The following RNMT variants were observed in gnomAD, a reference collection of about 807,000 sequenced individuals.
RNMT encodes the protein mRNA cap guanine-N(7) methyltransferase.
Under a neutral mutation model 56.0 loss-of-function variants are expected in RNMT, and 27 were observed. That is an observed-to-expected ratio of 0.48 (90% CI 0.36 to 0.67). The LOEUF (loss-of-function observed/expected upper bound fraction) is 0.67, where lower values mean the gene tolerates loss of function less well. RNMT is among the 30% of genes least tolerant of loss of function. RNMT has a pLI of 0.00. For missense variants in RNMT, 519 were observed against 552.1 expected, an observed-to-expected ratio of 0.94 and a Z score of 0.60; for synonymous variants, 184 against 176.2, an observed-to-expected ratio of 1.04 and a Z score of -0.35.
chr18:13,750,021 A>T (rs1417216995), intron 9 of RNMT, among the ~76,000 whole-genome samples: 1 of 152,064 alleles, frequency 6.6e-6, no homozygotes, highest in African/African-American at 2.4e-5. Flanking sequence ...CGGTCTCCCA[A>T]AGTGCTGGGG....
At chr18:13,734,433 T>A in intron 3 of RNMT, 31 bp from the exon 4 acceptor site, 1 of 1,581,920 alleles carries the variant, frequency 6.3e-7, no homozygotes. Flanking sequence ...GTTCTGATCC[T>A]TGATTTTTTT....
chr18:13,740,215 T>C lies in RNMT; in HGVS notation c.728T>C (p.Met243Thr). 6.2e-7 allele frequency: 1 copy of C among 1,613,312 alleles called. No individual in the cohort carries two copies. The highest frequency in any genetic ancestry group is 8.5e-7 in the Non-Finnish European group (1 of 1,179,318). ...CAGTGTCAGCAGCGGTATGAGGACA[T>C]GAAAAATCGTCGTGATAGTGAATAT... ...VKQCQQRYED[M>T]KNRRDSEYIF... is the part of the protein sequence containing the mutation. The change falls in exon 6 of 12, where the codon ATG (methionine) becomes ACG (threonine). Residue 243 changes from methionine to threonine, a missense_variant. Coordinates refer to ENST00000383314, the MANE Select transcript of RNMT (RefSeq NM_003799.3).
At chr18:13,742,056 C>G (rs2149092701) in intron 7 of RNMT, among the ~76,000 whole-genome samples, 1 of 152,290 alleles carries the variant, frequency 6.6e-6, no homozygotes, top group East Asian at 1.9e-4. Flanking sequence ...TAGCTCAAAT[C>G]AGGAGAGTGC....
chr18:13,738,193 C>T (rs1050254422), intron 5 of RNMT, among the ~76,000 whole-genome samples: 3 of 152,016 alleles, frequency 2.0e-5, no homozygotes, highest in African/African-American at 7.2e-5. Flanking sequence ...TTATTGAGGA[C>T]CCCAGAAAGC....
intron 7 of RNMT, 91 bp downstream of exon 7, chr18:13,741,782 T>C (rs529996351): frequency 1.3e-6 from 1 of 796,038 alleles, no homozygotes; most frequent in Non-Finnish European, 1.9e-6. Flanking sequence ...AAATACGCTA[T>C]TTTAATCTTA....
At position 13,731,577 on chromosome 18, in the gene RNMT, G is replaced by T. The variant is rs773756587; in HGVS notation, c.60G>T (p.Ala20=). The change falls in exon 3 of 12, where the codon GCG becomes GCT. Residue 20 remains alanine, a synonymous_variant. Transcript: ENST00000383314. ...YEKMSLEQAK[A]SVNSETESSF... ...AGATGTCTCTTGAACAGGCAAAAGC[G>T]TCAGTGAATTCTGAAACAGAGTCTT... 6.2e-7 allele frequency: 1 copy of T among 1,612,872 alleles called. No individual in the cohort carries two copies.
intron 11 of RNMT, among the ~76,000 whole-genome samples, chr18:13,757,316 A>G (rs896530296): frequency 1.3e-5 from 2 of 152,030 alleles, no homozygotes; most frequent in South Asian, 2.1e-4. Flanking sequence ...TTGATTGACC[A>G]TTCTTTCACA....
At chr18:13,744,153 G>C (rs1345357826) in intron 8 of RNMT, among the ~76,000 whole-genome samples, 2 of 60,096 alleles carry the variant, frequency 3.3e-5, no homozygotes, top group Non-Finnish European at 8.3e-5. Context: ...AAGACCTAGC[G>C]GTCTTCTTTT....
chr18:13,752,155 T>C (rs771503095), intron 9 of RNMT, 171 bp from the exon 10 acceptor site: 25 of 567,240 alleles, frequency 4.4e-5, no homozygotes, highest in Middle Eastern at 4.4e-4. Context: ...AAGAGAGGAT[T>C]CTTCCTTTTT....
At chr18:13,730,298 T>C (rs2044045099) in intron 1 of RNMT, 1 of 152,204 alleles carries the variant, frequency 6.6e-6, no homozygotes, top group Non-Finnish European at 1.5e-5. Context: ...AGAGACTTAA[T>C]GGTCATCAAA....
chr18:13,752,410 C>G lies in RNMT; in HGVS notation c.1342C>G (p.Gln448Glu). 3.7e-6 allele frequency: 6 copies of G among 1,606,784 alleles called. No homozygotes were observed. Among genetic ancestry groups the G allele is most frequent in the Non-Finnish European group, 2.6e-6 (3 of 1,173,880 alleles). The change falls in exon 10 of 12, where the codon CAA (glutamine) becomes GAA (glutamate). Residue 448 changes from glutamine to glutamate, a missense_variant. Coordinates refer to ENST00000383314, the MANE Select transcript of RNMT (RefSeq NM_003799.3). ...TGCAGCAAAGTACATGAAGAACAGT[C>G]AAGTAAGGTTACCTTTGGTAAGTTT... ...EHAAKYMKNS[Q>E]VRLPLGTLSK...
In RNMT at chr18:13,751,693, C is replaced by T. The variant is rs183286667; in HGVS notation, c.1258-633C>T. 1.6e-3 allele frequency among the ~76,000 whole-genome samples: 241 copies of T among 152,022 alleles called. 1 individual carries two copies. Among genetic ancestry groups the T allele is most frequent in the Middle Eastern group, 6.8e-3 (2 of 294 alleles). On this transcript the variant is annotated intron_variant, in intron 9 of 11. Transcript: ENST00000383314. ...GTATGTTTATTGCAGCACTGATTCACAGTAGCAGAGACATGAAACCAACCC... is the reference window on the plus strand; with the variant it reads ...GTATGTTTATTGCAGCACTGATTCATAGTAGCAGAGACATGAAACCAACCC...
In RNMT at chr18:13,746,310, G is replaced by C. The variant is rs376815436; in HGVS notation, c.1230G>C (p.Met410Ile). ...AGATTAAGAACAATGAAAATAAAAT[G>C]CTCTTAAAACGAATGCAGGCCTTGG... is the stretch of plus-strand genomic sequence containing the variant. ...EEKIKNNENK[M>I]LLKRMQALEP... The change falls in exon 9 of 12, where the codon ATG (methionine) becomes ATC (isoleucine). Residue 410 changes from methionine to isoleucine, a missense_variant. Transcript: ENST00000383314. The C allele has an allele frequency of 5.9e-5, 93 of 1,563,772 alleles. No homozygotes were observed. The highest frequency in any genetic ancestry group is 1.3e-4 in the South Asian group (11 of 86,914).
At position 13,761,400 on chromosome 18, in the gene RNMT, A is replaced by G. The variant is rs920446338; in HGVS notation, c.*1421A>G. ...GGGAAAGGAAGTCTTCCTGTCACATATGCAGGTTCGTTTTCATTCTAGGGC... is the reference window on the plus strand; with the variant it reads ...GGGAAAGGAAGTCTTCCTGTCACATGTGCAGGTTCGTTTTCATTCTAGGGC... On this transcript the variant is annotated 3_prime_UTR_variant, in exon 12 of 12. Coordinates refer to ENST00000383314, the MANE Select transcript of RNMT (RefSeq NM_003799.3). The G allele has an allele frequency of 7.1e-6, 7 of 985,354 alleles. No individual in the cohort carries two copies. Among genetic ancestry groups the G allele is most frequent in the East Asian group, 1.1e-4 (1 of 8,832 alleles). 61.0% of individuals were successfully genotyped at this position (985,354 alleles called of 1,614,324 possible). A position where few individuals can be genotyped will look rare whatever the true frequency, so the allele number is the denominator to read the frequency against.
intron 9 of RNMT, among the ~76,000 whole-genome samples, chr18:13,750,742 A>C (rs9964959): frequency 6.6e-6 from 1 of 151,790 alleles, no homozygotes; most frequent in Admixed American, 6.6e-5. Context: ...CCAAGGTTGC[A>C]GTGAATGGAG....
chr18:13,758,425 T>TTCTACATCAGCACTTGCTGCATCA (rs2044576838), intron 11 of RNMT, among the ~76,000 whole-genome samples: 1 of 152,350 alleles, frequency 6.6e-6, no homozygotes, highest in African/African-American at 2.4e-5. Flanking sequence ...TTGATGCAGC[T>TTCTACATCAGCACTTGCTGCATCA]TCTACATCAG....
Position 13,744,159 on chromosome 18 carries a change from C to CTT in RNMT, c.1139+1532_1139+1533dup, listed in dbSNP as rs201093998. Among the ~76,000 whole-genome samples the CTT allele has an allele frequency of 1.8e-3, 167 of 91,416 alleles. 18 individuals carry two copies. The highest frequency in any genetic ancestry group is 7.9e-3 in the African/African-American group (150 of 18,904). The allele number at this position is 91,416 out of a possible 152,430, so 60.0% of individuals were successfully genotyped here. A position where few individuals can be genotyped will look rare whatever the true frequency, so the allele number is the denominator to read the frequency against. On this transcript the variant is annotated intron_variant, in intron 8 of 11. Transcript: ENST00000383314. ...ATGCTAAACAAGACCTAGCGGTCTTCTTTTTTTTTTTTTTTTTTTTTTTTT... is the reference window on the plus strand; with the variant it reads ...ATGCTAAACAAGACCTAGCGGTCTTCTTTTTTTTTTTTTTTTTTTTTTTTTTT...
chr18:13,744,765 G>T (rs1443500928), intron 8 of RNMT, among the ~76,000 whole-genome samples: 1 of 151,950 alleles, frequency 6.6e-6, no homozygotes, highest in African/African-American at 2.4e-5. Context: ...CCCTGTACAC[G>T]AGCCTTCCCA....
chr18:13,758,345 C>T (rs570987784), intron 11 of RNMT, among the ~76,000 whole-genome samples: 3 of 152,200 alleles, frequency 2.0e-5, no homozygotes, highest in African/African-American at 4.8e-5. Context: ...AAGACTGTCT[C>T]GTCTTCATTG....
Sources: allele counts gnomAD v4.1 joint callset (sites outside exome capture counted in the v4.1 genomes callset), GRCh38; gene constraint gnomAD v4.1.1; transcripts MANE v1.5; gene names NCBI Gene and HGNC (gene_info 2026-07-23, HGNC 2026-07-21).